PRPF8: variants seen among roughly 807,000 people sequenced by gnomAD.
The protein encoded by PRPF8 is pre-mRNA-processing-splicing factor 8.
A neutral mutation model predicts 285.9 loss-of-function variants in PRPF8; 64 were observed. That is an observed-to-expected ratio of 0.22 (90% CI 0.18 to 0.28). The LOEUF is 0.28. Among genes scored for constraint, PRPF8 ranks in the 10% least tolerant of loss-of-function variants. The pLI is 1.00. For synonymous variants in PRPF8, 1,325 were observed against 1,118.2 expected (o/e 1.18, Z -3.69); for missense variants, 1,426 against 3,026.7 (o/e 0.47, Z 12.41).
At chr17:1,671,448 G>A (rs758040233) in intron 24 of PRPF8, among the ~76,000 whole-genome samples, 2 of 152,124 alleles carry the variant, frequency 1.3e-5, no homozygotes, top group Admixed American at 1.3e-4. Context: ...GCTGGGCACG[G>A]TGACTCACAC....
chr17:1,676,670 T>C lies in PRPF8; in HGVS notation c.2223A>G (p.Arg741=), dbSNP rs553523683. ...LPTPIENMIL[R]YVKAKADWWT... The stretch of plus-strand genomic sequence containing the variant: ...ACCAGTCAGCCTTGGCCTTCACGTA[T>C]CGAAGGATCATATTCTCTATGGGCG... The change falls in exon 16 of 43, where the codon CGA becomes CGG. Residue 741 remains arginine (R), a synonymous_variant. Coordinates refer to ENST00000304992, the MANE Select transcript of PRPF8 (RefSeq NM_006445.4). This position sits in a 1 kb window ranked among gnomAD's most constrained non-coding sequence, Gnocchi z 6.3. The C allele has an allele frequency of 6.2e-7, 1 of 1,614,152 alleles. No individual in the cohort carries two copies. The highest frequency in any genetic ancestry group is 1.1e-5 in the South Asian group (1 of 91,082).
Position 1,651,220 on chromosome 17 carries a change from G to A in PRPF8, c.6741C>T (p.Asn2247=), listed in dbSNP as rs748456922. ...AGTGTGAAGGCAGGTAGCCCTTGGGGTTGTTGCCCTTGTCTGTGTTCTGGC... is the reference window on the plus strand; with the variant it reads ...AGTGTGAAGGCAGGTAGCCCTTGGGATTGTTGCCCTTGTCTGTGTTCTGGC... The part of the protein sequence containing the change: ...WGRQNTDKGN[N]PKGYLPSHYE... The change falls in exon 42 of 43, where the codon AAC becomes AAT. Residue 2247 remains asparagine (N), a synonymous_variant. Transcript: ENST00000304992. The surrounding 1 kb of genome is among the most constrained non-coding windows in gnomAD (Gnocchi z 5.1). 1.1e-5 allele frequency: 18 copies of A among 1,614,022 alleles called. No individual in the cohort carries two copies. Among genetic ancestry groups the A allele is most frequent in the Non-Finnish European group, 1.4e-5 (16 of 1,180,050 alleles).
rs533325564 is a variant in PRPF8 at position 1,664,554 on chromosome 17, C to A, written c.3775-2401G>T. On this transcript the variant is annotated intron_variant, in intron 24 of 42. Transcript: ENST00000304992. Reference sequence around the variant, plus strand: ...AGGTGCAGTAGCTCATGCCCGTAATCCCAACTCTTTGGAAGGCTGAGGCAG... The same window carrying A: ...AGGTGCAGTAGCTCATGCCCGTAATACCAACTCTTTGGAAGGCTGAGGCAG... 1.3e-3 allele frequency among the ~76,000 whole-genome samples: 198 copies of A among 152,232 alleles called. 1 individual carries two copies. Among genetic ancestry groups the A allele is most frequent in the Non-Finnish European group, 1.3e-3 (91 of 68,016 alleles).
Position 1,682,436 on chromosome 17 carries a change from C to G in PRPF8, c.270-143G>C, listed in dbSNP as rs780216447. ...AACTTAGCCCACAGGCCCTTCCTAA[C>G]CAGAAACCCTGCCTCTCCCTCTCCA... On this transcript the variant is annotated intron_variant, in intron 3 of 42. Transcript: ENST00000304992. 20 of 998,330 alleles carry G rather than the reference C, an allele frequency of 2.0e-5. No homozygotes were observed. The Admixed American group carries it at 3.9e-4, about 20-fold the overall frequency. 61.8% of individuals were successfully genotyped at this position (998,330 alleles called of 1,614,324 possible). A position where few individuals can be genotyped will look rare whatever the true frequency, so the allele number is the denominator to read the frequency against.
At chr17:1,674,998 C>T (rs1454412897) in intron 20 of PRPF8, among the ~76,000 whole-genome samples, 154 bp downstream of exon 20, 1 of 152,140 alleles carries the variant, frequency 6.6e-6, no homozygotes, top group African/African-American at 2.4e-5. Context: ...TGGTCTCGAA[C>T]TCCTGACCTC....
Position 1,675,985 on chromosome 17 carries a change from G to A in PRPF8, c.2622C>T (p.Pro874=). The change falls in exon 18 of 43, where the codon CCC becomes CCT. Residue 874 remains proline, a synonymous_variant. Transcript: ENST00000304992. The surrounding 1 kb of genome is among the most constrained non-coding windows in gnomAD (Gnocchi z 6.0). ...LGLIEQAYDN[P]HEALSRIKRH... ...GCTTGATGCGGGACAGCGCCTCGTGGGGGTTATCGTAGGCCTGCTCGATCA... is the reference window on the plus strand; with the variant it reads ...GCTTGATGCGGGACAGCGCCTCGTGAGGGTTATCGTAGGCCTGCTCGATCA... 1 of 1,614,004 alleles carries A rather than the reference G, an allele frequency of 6.2e-7. No homozygotes were observed. The highest frequency in any genetic ancestry group is 1.1e-5 in the South Asian group (1 of 91,066).
intron 6 of PRPF8, 29 bp downstream of exon 6, chr17:1,681,449 G>C: frequency 6.5e-7 from 1 of 1,535,944 alleles, no homozygotes; most frequent in Non-Finnish European, 9.0e-7. Context: ...AACTCAAAAT[G>C]TCTAAAATCC....
At position 1,679,478 on chromosome 17, in the gene PRPF8, C is replaced by T. The variant is rs1229027387; in HGVS notation, c.1290-68G>A. ...AGACACTCTGCTAAAGGCTGCAAGC[C>T]TTGGGTTGTCTACCATTTTTATGGG... On this transcript the variant is annotated intron_variant, in intron 9 of 42. Transcript: ENST00000304992. This position sits in a 1 kb window ranked among gnomAD's most constrained non-coding sequence, Gnocchi z 4.7. 3 of 1,606,772 alleles carry T rather than the reference C, an allele frequency of 1.9e-6. No homozygotes were observed. Among genetic ancestry groups the T allele is most frequent in the Middle Eastern group, 2.3e-4 (1 of 4,418 alleles).
In PRPF8 at chr17:1,658,518, ACACT is replaced by A; in HGVS notation, c.5376+4_5376+7del. On this transcript the variant is annotated splice_donor_5th_base_variant and intron_variant, in intron 33 of 42. Transcript: ENST00000304992. The surrounding 1 kb of genome is among the most constrained non-coding windows in gnomAD (Gnocchi z 4.1). ...GTCCCGCACCTATACACTGCTGCTA[ACACT>A]CACCTTGTGAATAGTCACTCTGTAG... 1 of 1,612,282 alleles carries A rather than the reference ACACT, an allele frequency of 6.2e-7. No homozygotes were observed. The highest frequency in any genetic ancestry group is 8.5e-7 in the Non-Finnish European group (1 of 1,178,334).
chr17:1,664,549 G>A (rs1034242253), intron 24 of PRPF8, among the ~76,000 whole-genome samples: 3 of 152,198 alleles, frequency 2.0e-5, no homozygotes, highest in Middle Eastern at 6.8e-3. Flanking sequence ...GCTCATGCCC[G>A]TAATCCCAAC....
chr17:1,673,263 C>A lies in PRPF8; in HGVS notation c.3658-66G>T. ...CACAGAAGCAAGAGCCAACTGTGCC[C>A]ACCACTCAAGTCTTTCCACCCAACA... On this transcript the variant is annotated intron_variant, in intron 23 of 42. Transcript: ENST00000304992. This position sits in a 1 kb window ranked among gnomAD's most constrained non-coding sequence, Gnocchi z 5.5. 1 of 1,603,566 alleles carries A rather than the reference C, an allele frequency of 6.2e-7. No individual in the cohort carries two copies. Among genetic ancestry groups the A allele is most frequent in the South Asian group, 1.1e-5 (1 of 90,876 alleles).
chr17:1,662,378 C>T lies in PRPF8; in HGVS notation c.3775-225G>A, dbSNP rs117692032. Among the ~76,000 whole-genome samples the T allele has an allele frequency of 7.3e-4, 111 of 152,188 alleles. 1 individual carries two copies. In the East Asian group the frequency reaches 0.02, roughly 28 times the overall value. The stretch of plus-strand genomic sequence containing the variant: ...CCAAGGTGGGAGGACTGCTTGAGCC[C>T]GGGAGTTGGAGACCAGCCTGGCCAA... On this transcript the variant is annotated intron_variant, in intron 24 of 42. Coordinates refer to ENST00000304992, the MANE Select transcript of PRPF8 (RefSeq NM_006445.4).
In PRPF8 at chr17:1,660,089, G is replaced by T. The variant is rs1157732450; in HGVS notation, c.4786-88C>A. 6.2e-6 allele frequency: 9 copies of T among 1,440,276 alleles called. No individual in the cohort carries two copies. The Middle Eastern group carries it at 1.1e-3, about 172-fold the overall frequency. The allele number at this position is 1,440,276 out of a possible 1,614,324, so 89.2% of individuals were successfully genotyped here. On this transcript the variant is annotated intron_variant, in intron 30 of 42. Coordinates refer to ENST00000304992, the MANE Select transcript of PRPF8 (RefSeq NM_006445.4). ...ACAATAAGATAATGAGGCAATAGGA[G>T]TCTCATCCTCAGAGCTTCCAGGGTG...
In PRPF8 at chr17:1,683,642, C is replaced by T. The variant is rs780381882; in HGVS notation, c.160G>A (p.Val54Met). Residue 54 changes from valine (V) to methionine (M), a missense_variant, in exon 3 of 43, where the codon GTG becomes ATG. Physicochemically the swap from Val to Met is conservative, Grantham distance 21. Around this residue, in one of 34 missense-constraint regions of PRPF8, gnomAD observed 72 missense variants for 80.0 expected, o/e 0.90. Coordinates refer to ENST00000304992, the MANE Select transcript of PRPF8 (RefSeq NM_006445.4). Reference sequence around the variant, plus strand: ...GGCATGTCTTCCTTCTGGGCATCCACAAACCCAAACTTCCGCTTTTCTGCA... The same window carrying T: ...GGCATGTCTTCCTTCTGGGCATCCATAAACCCAAACTTCCGCTTTTCTGCA... ...RYAEKRKFGFVDAQKEDMPPE... is the reference protein window; with the variant it reads ...RYAEKRKFGFMDAQKEDMPPE... 1 of 1,614,186 alleles carries T rather than the reference C, an allele frequency of 6.2e-7. No homozygotes were observed. The highest frequency in any genetic ancestry group is 8.5e-7 in the Non-Finnish European group (1 of 1,180,036).
chr17:1,672,924 C>G, intron 24 of PRPF8, 157 bp downstream of exon 24: 3 of 740,790 alleles, frequency 4.0e-6, no homozygotes, highest in Non-Finnish European at 7.4e-6. Flanking sequence ...ATGAAGTGAC[C>G]TGACATACTA....
chr17:1,660,662 CTT>C (rs1366556878), intron 29 of PRPF8, 34 bp downstream of exon 29: 1 of 1,614,220 alleles, frequency 6.2e-7, no homozygotes, highest in Admixed American at 1.7e-5. Context: ...CAGCAACTGT[CTT>C]TAGCTTCCCC....
chr17:1,654,848 G>A (rs1211098757), intron 37 of PRPF8: 1 of 170,220 alleles, frequency 5.9e-6, no homozygotes, highest in African/African-American at 2.4e-5. Flanking sequence ...GATCAGGCTG[G>A]TTTCAACTCC....
At chr17:1,674,375 G>T in intron 21 of PRPF8, 67 bp downstream of exon 21, 2 of 1,484,778 alleles carry the variant, frequency 1.3e-6, no homozygotes, top group Non-Finnish European at 1.9e-6. Context: ...AGGTACAATA[G>T]CTGATTTCAG....
At chr17:1,681,429 C>G in intron 6 of PRPF8, 49 bp downstream of exon 6, 2 of 1,509,742 alleles carry the variant, frequency 1.3e-6, no homozygotes, top group Non-Finnish European at 1.8e-6. Context: ...ATCAAGATTA[C>G]GTTTCATTCA....
Sources: gnomAD v4.1 joint callset for allele counts (sites outside exome capture counted in the v4.1 genomes callset) on GRCh38, gnomAD v4.1.1 for gene constraint, gnomAD v4.1.1 regional missense constraint, Gnocchi (gnomAD v3.1) non-coding constraint, MANE v1.5 for transcripts, NCBI Gene and HGNC (gene_info 2026-07-23, HGNC 2026-07-21) for gene names.